MGAT4C: variants seen among roughly 807,000 people sequenced by gnomAD.
The protein encoded by MGAT4C is alpha-1,3-mannosyl-glycoprotein 4-beta-N-acetylglucosaminyltransferase C.
A neutral mutation model predicts 40.1 loss-of-function variants in MGAT4C; 19 were observed. That is an observed-to-expected ratio of 0.47 (90% CI 0.33 to 0.70). The LOEUF (loss-of-function observed/expected upper bound fraction) is 0.70, where lower values mean the gene tolerates loss of function less well. MGAT4C is among the 30% of genes least tolerant of loss of function. MGAT4C has a pLI of 0.02. For missense variants in MGAT4C, 491 were observed against 563.2 expected, an observed-to-expected ratio of 0.87 and a Z score of 1.30; for synonymous variants, 181 against 187.1, an observed-to-expected ratio of 0.97 and a Z score of 0.27.
intron 4 of MGAT4C, among the ~76,000 whole-genome samples, chr12:85,981,919 G>A (rs1032738600): frequency 6.6e-5 from 10 of 151,882 alleles, no homozygotes; most frequent in Admixed American, 6.6e-4. Flanking sequence ...AAGCAAAGGT[G>A]GTGTAACAGA....
At chr12:86,317,088 A>G (rs1954257437) in intron 4 of MGAT4C, among the ~76,000 whole-genome samples, 1 of 152,158 alleles carries the variant, frequency 6.6e-6, no homozygotes, top group South Asian at 2.1e-4. Context: ...GAAGAAAAAT[A>G]TAATAGTAAT....
chr12:86,014,822 TTTA>T (rs921152278), intron 2 of MGAT4C, among the ~76,000 whole-genome samples: 2 of 151,858 alleles, frequency 1.3e-5, no homozygotes, highest in African/African-American at 4.8e-5. Context: ...GCTTGAACAA[TTTA>T]TTATTATTAT....
chr12:86,365,983 T>C (rs1955585552), intron 3 of MGAT4C, among the ~76,000 whole-genome samples: 1 of 152,214 alleles, frequency 6.6e-6, no homozygotes, highest in Non-Finnish European at 1.5e-5. Context: ...TTGGGCAGTA[T>C]GGCCATTTTA....
chr12:86,424,831 A>C lies in MGAT4C; in HGVS notation c.-120+10326T>G, dbSNP rs541674195. ...GAGTGCAGTGGTAGGACCCCGGCTC[A>C]CTGCAACCTCTGCCTCCAGGGTTCA... is the stretch of plus-strand genomic sequence containing the variant. On this transcript the variant is annotated intron_variant, in intron 3 of 7. Coordinates refer to the MGAT4C transcript ENST00000548651. Among the ~76,000 whole-genome samples, 3 of 152,264 alleles carry C rather than the reference A, an allele frequency of 2.0e-5. No homozygotes were observed. The East Asian group carries it at 5.8e-4, about 29-fold the overall frequency.
intron 2 of MGAT4C, among the ~76,000 whole-genome samples, chr12:86,564,092 G>T (rs1490258937): frequency 6.6e-6 from 1 of 152,144 alleles, no homozygotes; most frequent in Non-Finnish European, 1.5e-5. Flanking sequence ...CTTGAAAGAT[G>T]CAGGGGTGGT....
intron 1 of MGAT4C, among the ~76,000 whole-genome samples, chr12:86,074,894 C>T (rs1489471068): frequency 6.6e-6 from 1 of 152,118 alleles, no homozygotes; most frequent in Non-Finnish European, 1.5e-5. Flanking sequence ...CCTACCAGAT[C>T]CCTCCCACAA....
rs1014327565 is a variant in MGAT4C at position 85,994,703 on chromosome 12, A to T, written c.-6-5151T>A. On this transcript the variant is annotated intron_variant, in intron 2 of 4. Transcript: ENST00000611864. ...ACCAGACTGACAAAATTACTATGAA[A>T]AGGAAAACAAAATAGCTGATTTCAA... 2.6e-5 allele frequency among the ~76,000 whole-genome samples: 4 copies of T among 152,170 alleles called. No homozygotes were observed. In the East Asian group the frequency reaches 5.8e-4, roughly 22 times the overall value.
chr12:86,296,450 G>A (rs574051209), intron 4 of MGAT4C, among the ~76,000 whole-genome samples: 68 of 152,310 alleles, frequency 4.5e-4, no homozygotes, highest in African/African-American at 1.5e-3. Context: ...CCGTGGAGCA[G>A]GGGGCGGCAT....
At chr12:86,319,109 CA>C (rs1954314475) in intron 4 of MGAT4C, among the ~76,000 whole-genome samples, 1 of 152,238 alleles carries the variant, frequency 6.6e-6, no homozygotes, top group Admixed American at 6.5e-5. Context: ...TGACAGACCA[CA>C]GATAACTACC....
chr12:86,147,146 T>G, intron 1 of MGAT4C, among the ~76,000 whole-genome samples: 1 of 152,206 alleles, frequency 6.6e-6, no homozygotes, highest in East Asian at 1.9e-4. Context: ...AGGGCATGCA[T>G]GTGTTGGACC....
chr12:86,397,086 G>T (rs1956276141), intron 3 of MGAT4C, among the ~76,000 whole-genome samples: 1 of 151,930 alleles, frequency 6.6e-6, no homozygotes, highest in Non-Finnish European at 1.5e-5. Flanking sequence ...TTATTATATT[G>T]ATTATTATGC....
intron 2 of MGAT4C, among the ~76,000 whole-genome samples, chr12:86,532,640 A>C (rs113193562): frequency 0.012 from 1,884 of 152,176 alleles, 11 homozygotes; most frequent in Middle Eastern, 0.017. Flanking sequence ...GCTGTAAATT[A>C]AGGCAATAGT....
chr12:86,004,452 T>A (rs1887665900), intron 2 of MGAT4C, among the ~76,000 whole-genome samples: 1 of 152,194 alleles, frequency 6.6e-6, no homozygotes, highest in African/African-American at 2.4e-5. Flanking sequence ...ATTTCCATTT[T>A]AAATTTTTTG....
intron 3 of MGAT4C, among the ~76,000 whole-genome samples, chr12:85,987,906 C>G (rs1885432146): frequency 6.6e-6 from 1 of 152,024 alleles, no homozygotes; most frequent in African/African-American, 2.4e-5. Flanking sequence ...GACACAGAAT[C>G]AAGAAATAAA....
Position 86,824,475 on chromosome 12 carries a change from T to C in MGAT4C, c.-262+14191A>G, listed in dbSNP as rs540963122. Among the ~76,000 whole-genome samples, 10 of 151,472 alleles carry C rather than the reference T, an allele frequency of 6.6e-5. No individual in the cohort carries two copies. In the East Asian group the frequency reaches 1.9e-3, roughly 30 times the overall value. Reference sequence around the variant, plus strand: ...AAGTTATGGCTACAGTACATGATAGTTAAGATGGAAAAGGCATGTATATAG... The same window carrying C: ...AAGTTATGGCTACAGTACATGATAGCTAAGATGGAAAAGGCATGTATATAG... On this transcript the variant is annotated intron_variant, in intron 1 of 7. Transcript: ENST00000548651.
chr12:86,004,730 G>A (rs1203652886), intron 2 of MGAT4C, among the ~76,000 whole-genome samples: 1 of 152,138 alleles, frequency 6.6e-6, no homozygotes, highest in East Asian at 1.9e-4. Flanking sequence ...GTCCTATTTT[G>A]TGGATATAAG....
At chr12:86,482,862 G>T (rs1957959694) in intron 2 of MGAT4C, among the ~76,000 whole-genome samples, 3 of 152,036 alleles carry the variant, frequency 2.0e-5, no homozygotes, top group Admixed American at 2.0e-4. Flanking sequence ...TTTGTAATTT[G>T]TTTTATTTGA....
intron 3 of MGAT4C, among the ~76,000 whole-genome samples, chr12:86,379,187 A>C (rs1955884570): frequency 6.6e-6 from 1 of 152,144 alleles, no homozygotes; most frequent in Admixed American, 6.5e-5. Context: ...AGTTACATGA[A>C]TAAATACATG....
intron 2 of MGAT4C, among the ~76,000 whole-genome samples, chr12:86,492,669 C>T (rs1438913582): frequency 3.1e-4 from 47 of 152,128 alleles, no homozygotes; most frequent in African/African-American, 8.7e-4. Flanking sequence ...AAGACTTAAA[C>T]GTTAGACCTA....
Sources: gnomAD v4.1 joint callset for allele counts (sites outside exome capture counted in the v4.1 genomes callset) on GRCh38, gnomAD v4.1.1 for gene constraint, MANE v1.5 for transcripts, NCBI Gene and HGNC (gene_info 2026-07-23, HGNC 2026-07-21) for gene names.